TADA2B: variants seen among roughly 807,000 people sequenced by gnomAD.
TADA2B encodes the protein transcriptional adapter 2-beta.
Under a neutral mutation model 34.5 loss-of-function variants are expected in TADA2B, and 13 were observed. The observed-to-expected ratio is 0.38, with a 90% CI of 0.25 to 0.60. TADA2B has a LOEUF of 0.60. Ranked by LOEUF, TADA2B falls within the 20% of genes least tolerant of loss-of-function variation. TADA2B has a pLI of 0.65. For synonymous variants in TADA2B, 240 were observed against 243.4 expected, an observed-to-expected ratio of 0.99 and a Z score of 0.13; for missense variants, 442 against 575.0, an observed-to-expected ratio of 0.77 and a Z score of 2.37.
At chr4:7,047,627 C>T (rs1461890595) in intron 1 of TADA2B, among the ~76,000 whole-genome samples, 2 of 152,270 alleles carry the variant, frequency 1.3e-5, no homozygotes, top group African/African-American at 4.8e-5. Flanking sequence ...AGGAGGAAGA[C>T]AGCTGCCTCA....
rs576454104 is a variant in TADA2B at position 7,050,542 on chromosome 4, G to A, written c.271-3520G>A. Among the ~76,000 whole-genome samples the A allele has an allele frequency of 2.6e-5, 4 of 152,340 alleles. No individual in the cohort carries two copies. In the South Asian group the frequency reaches 8.3e-4, roughly 32 times the overall value. On this transcript the variant is annotated intron_variant, in intron 1 of 1. Transcript: ENST00000310074. ...GCCGGGATGAGCTGTCCTCTGCCTC[G>A]TCCTTCACAGACCAGATGGGGGTGA...
chr4:7,053,313 T>C (rs1055364417), intron 1 of TADA2B: 2 of 152,346 alleles, frequency 1.3e-5, no homozygotes, highest in African/African-American at 4.8e-5. Context: ...GTAGGAATGA[T>C]GAATGCTTTC....
intron 1 of TADA2B, among the ~76,000 whole-genome samples, chr4:7,044,665 C>G (rs986577285): frequency 5.3e-5 from 8 of 152,172 alleles, no homozygotes; most frequent in Admixed American, 6.5e-5. Flanking sequence ...AGGAGAAAAT[C>G]TCTAGCCGTA....
intron 1 of TADA2B, among the ~76,000 whole-genome samples, chr4:7,051,516 G>C (rs1234165463): frequency 6.6e-6 from 1 of 152,154 alleles, no homozygotes; most frequent in African/African-American, 2.4e-5. Context: ...TTGTGCTCCA[G>C]ACTTCCAGAT....
Position 7,054,048 on chromosome 4 carries a change from CT to C in TADA2B, c.271-11del. 1 of 1,552,420 alleles carries C rather than the reference CT, an allele frequency of 6.4e-7. No individual in the cohort carries two copies. Among genetic ancestry groups the C allele is most frequent in the Non-Finnish European group, 8.7e-7 (1 of 1,145,106 alleles). On this transcript the variant is annotated splice_polypyrimidine_tract_variant and intron_variant, in intron 1 of 1. Coordinates refer to ENST00000310074, the MANE Select transcript of TADA2B (RefSeq NM_152293.3). ...CCTGATGGTGGAACTAACTTCTGCC[CT>C]TTGTCATCGTAGGAAGATATGGCTG...
intron 1 of TADA2B, 136 bp from the exon 2 acceptor site, chr4:7,053,926 G>C: frequency 1.1e-6 from 1 of 935,954 alleles, no homozygotes; most frequent in Admixed American, 2.9e-5. Context: ...GTGACTGAAT[G>C]CCTTTGGGGA....
At position 7,055,622 on chromosome 4, in the gene TADA2B, C is replaced by G. The variant is rs1048066974; in HGVS notation, c.*568C>G. 5.2e-5 allele frequency: 8 copies of G among 152,472 alleles called. No homozygotes were observed. The highest frequency in any genetic ancestry group is 1.9e-4 in the African/African-American group (8 of 41,450). The allele number at this position is 152,472 out of a possible 1,614,324, so 9.4% of individuals were successfully genotyped here. On this transcript the variant is annotated 3_prime_UTR_variant, in exon 2 of 2. Coordinates refer to ENST00000310074, the MANE Select transcript of TADA2B (RefSeq NM_152293.3). ...ATCAGGCCAGAGGACAACAGGCTGG[C>G]GTTTTGTTGGGAACTGAAGAGGAAT...
Position 7,054,074 on chromosome 4 carries a change from G to A in TADA2B, c.283G>A (p.Ala95Thr), listed in dbSNP as rs1304429512. 6.3e-7 allele frequency: 1 copy of A among 1,580,154 alleles called. No homozygotes were observed. The highest frequency in any genetic ancestry group is 8.6e-7 in the Non-Finnish European group (1 of 1,160,034). Reference protein sequence around the residue: ...FGFGNWEDMAAHVGASRTPQE... With the variant: ...FGFGNWEDMATHVGASRTPQE... The stretch of plus-strand genomic sequence containing the variant: ...TTTGTCATCGTAGGAAGATATGGCT[G>A]CCCACGTTGGTGCTTCCCGGACTCC... Residue 95 changes from alanine (A) to threonine (T), a missense_variant, in exon 2 of 2, where the codon GCC (alanine) becomes ACC (threonine). By Grantham distance (58) the Ala-to-Thr change is moderately conservative (BLOSUM62 0). Transcript: ENST00000310074.
chr4:7,049,603 G>A (rs1723717620), intron 1 of TADA2B, among the ~76,000 whole-genome samples: 1 of 152,236 alleles, frequency 6.6e-6, no homozygotes, highest in East Asian at 1.9e-4. Context: ...TCTCCGAAAG[G>A]TCTGACACCT....
chr4:7,045,314 T>TGGA (rs1242112322), intron 1 of TADA2B, among the ~76,000 whole-genome samples: 2 of 152,194 alleles, frequency 1.3e-5, no homozygotes, highest in African/African-American at 2.4e-5. Flanking sequence ...AACCACTTCT[T>TGGA]ACAGCCGTAG....
intron 1 of TADA2B, among the ~76,000 whole-genome samples, chr4:7,051,586 A>T (rs1002115694): frequency 7.5e-6 from 1 of 132,500 alleles, no homozygotes; most frequent in Non-Finnish European, 1.8e-5. Flanking sequence ...CCAAGTAAGT[A>T]AGTTTTTTTT....
intron 1 of TADA2B, among the ~76,000 whole-genome samples, chr4:7,047,758 G>A (rs765512439): frequency 6.6e-5 from 10 of 152,234 alleles, no homozygotes; most frequent in Non-Finnish European, 1.0e-4. Context: ...TTAAGAGTCT[G>A]GTGTATTCAG....
chr4:7,050,183 C>G (rs1723727871), intron 1 of TADA2B, among the ~76,000 whole-genome samples: 1 of 152,258 alleles, frequency 6.6e-6, no homozygotes, highest in Admixed American at 6.5e-5. Context: ...CGCGCTGCCA[C>G]CTGTGGCCTG....
intron 1 of TADA2B, among the ~76,000 whole-genome samples, chr4:7,052,081 C>T (rs536029003): frequency 2.6e-5 from 4 of 152,364 alleles, no homozygotes; most frequent in South Asian, 2.1e-4. Context: ...CCTCACGTGC[C>T]TGGGAACCTG....
intron 1 of TADA2B, among the ~76,000 whole-genome samples, chr4:7,047,408 G>A (rs563024675): frequency 1.6e-4 from 24 of 152,326 alleles, no homozygotes; most frequent in African/African-American, 5.1e-4. Context: ...GTGCACACAC[G>A]TCAACACTCA....
Position 7,054,964 on chromosome 4 carries a change from C to A in TADA2B, c.1173C>A (p.Ser391Arg). ...LQKRQGIPSK[S>R]RLPSYLDKVL... ...AGCGGCAAGGAATCCCCTCCAAAAG[C>A]CGCCTTCCTAGCTACCTGGACAAAG... is the stretch of plus-strand genomic sequence containing the variant. The change falls in exon 2 of 2, where the codon AGC becomes AGA. Residue 391 changes from serine to arginine, a missense_variant. This residue lies in a region of TADA2B where 114 missense variants were observed against 144.7 expected (regional missense o/e 0.79). Coordinates refer to ENST00000310074, the MANE Select transcript of TADA2B (RefSeq NM_152293.3). 6.2e-7 allele frequency: 1 copy of A among 1,613,874 alleles called. No individual in the cohort carries two copies. The highest frequency in any genetic ancestry group is 8.5e-7 in the Non-Finnish European group (1 of 1,179,874).
Position 7,043,825 on chromosome 4 carries a change from C to A in TADA2B, c.246C>A (p.Ile82=). ...SREEQLLLDA[I]EQFGFGNWED... ...AGGAGCAGCTGCTGCTGGACGCCAT[C>A]GAGCAGTTCGGCTTCGGAAACTGGG... The change falls in exon 1 of 2, where the codon ATC becomes ATA. Residue 82 remains isoleucine (I), a synonymous_variant. Transcript: ENST00000310074. The A allele has an allele frequency of 6.7e-7, 1 of 1,490,248 alleles. No individual in the cohort carries two copies. The highest frequency in any genetic ancestry group is 8.9e-7 in the Non-Finnish European group (1 of 1,118,196). The allele number at this position is 1,490,248 out of a possible 1,614,324, so 92.3% of individuals were successfully genotyped here. A position where few individuals can be genotyped will look rare whatever the true frequency, so the allele number is the denominator to read the frequency against.
chr4:7,057,572 A>T lies in TADA2B; in HGVS notation c.*2518A>T, dbSNP rs1338251985. 1 of 152,302 alleles carries T rather than the reference A, an allele frequency of 6.6e-6. No homozygotes were observed. Among genetic ancestry groups the T allele is most frequent in the Admixed American group, 6.5e-5 (1 of 15,288 alleles). The allele number at this position is 152,302 out of a possible 1,614,324, so 9.4% of individuals were successfully genotyped here. A position where few individuals can be genotyped will look rare whatever the true frequency, so the allele number is the denominator to read the frequency against. ...GGGAGGCCAAGGCGGGCTGATCACG[A>T]GGTCAAGAGATCGAGACCATCCTGG... On this transcript the variant is annotated 3_prime_UTR_variant, in exon 2 of 2. Transcript: ENST00000310074.
chr4:7,047,095 C>G (rs970083981), intron 1 of TADA2B, among the ~76,000 whole-genome samples: 32 of 152,070 alleles, frequency 2.1e-4, no homozygotes, highest in Non-Finnish European at 3.8e-4. Flanking sequence ...TCTAGAAGGC[C>G]GGTTTGTGAT....
Sources: gnomAD v4.1 joint callset for allele counts (sites outside exome capture counted in the v4.1 genomes callset) on GRCh38, gnomAD v4.1.1 for gene constraint, gnomAD v4.1.1 regional missense constraint, MANE v1.5 for transcripts, NCBI Gene and HGNC (gene_info 2026-07-23, HGNC 2026-07-21) for gene names.